KIF26B: variants seen among roughly 807,000 people sequenced by gnomAD.
KIF26B encodes kinesin family member 26B, also known as kinesin-like protein KIF26B.
KIF26B carries 63 observed loss-of-function variants against 151.2 expected under a neutral mutation model. That is an observed-to-expected ratio of 0.42 (90% CI 0.34 to 0.51). The LOEUF is 0.51. KIF26B is among the 20% of genes least tolerant of loss of function. The pLI, the probability that KIF26B is intolerant of heterozygous loss-of-function variation, is 0.07. For synonymous variants in KIF26B, 1,357 were observed against 1,262.1 expected (o/e 1.08, Z -1.59); for missense variants, 2,813 against 2,913.6 (o/e 0.97, Z 0.79).
At chr1:245,314,292 A>G (rs1049208389) in intron 2 of KIF26B, among the ~76,000 whole-genome samples, 11 of 152,094 alleles carry the variant, frequency 7.2e-5, no homozygotes, top group African/African-American at 2.7e-4. Context: ...TACTAAAAAT[A>G]CAAAAAAAAA....
In KIF26B at chr1:245,366,996, G is replaced by T; in HGVS notation, c.628G>T (p.Gly210Cys). 1 of 1,613,768 alleles carries T rather than the reference G, an allele frequency of 6.2e-7. No homozygotes were observed. Among genetic ancestry groups the T allele is most frequent in the Admixed American group, 1.7e-5 (1 of 60,002 alleles). Residue 210 changes from glycine (G) to cysteine (C), a missense_variant, in exon 3 of 15, where the codon GGC becomes TGC. Coordinates refer to ENST00000407071, the MANE Select transcript of KIF26B (RefSeq NM_018012.4). The stretch of plus-strand genomic sequence containing the variant: ...GGTGCTGACGTTGGAGCAGGCAGCC[G>T]GCAGTGAGCACTACGACGCCTCGCC... ...QMVLTLEQAA[G>C]SEHYDASPCS... is the part of the protein sequence containing the mutation.
chr1:245,332,160 C>T (rs1456447537), intron 2 of KIF26B, among the ~76,000 whole-genome samples: 1 of 152,168 alleles, frequency 6.6e-6, no homozygotes, highest in Non-Finnish European at 1.5e-5. Flanking sequence ...ATGAAGTCCT[C>T]ATCAGGAAAT....
At chr1:245,231,583 C>G (rs375213138) in intron 2 of KIF26B, among the ~76,000 whole-genome samples, 7 of 152,190 alleles carry the variant, frequency 4.6e-5, no homozygotes, top group African/African-American at 1.7e-4. Context: ...ACTCTACATA[C>G]TGAAAGTTTC....
At chr1:245,317,292 G>A (rs976132715) in intron 2 of KIF26B, among the ~76,000 whole-genome samples, 2 of 152,130 alleles carry the variant, frequency 1.3e-5, no homozygotes, top group Admixed American at 1.3e-4. Flanking sequence ...AGTGTTCACG[G>A]GCCTAATATC....
intron 2 of KIF26B, 82 bp downstream of exon 2, chr1:245,156,765 G>T: frequency 1.2e-6 from 1 of 868,410 alleles, no homozygotes. Flanking sequence ...TCAGCCCGCC[G>T]CGACCTTGCG....
intron 6 of KIF26B, among the ~76,000 whole-genome samples, chr1:245,605,275 A>G (rs1377057461): frequency 1.3e-5 from 2 of 152,188 alleles, no homozygotes; most frequent in South Asian, 2.1e-4. Context: ...CACTGCCAAT[A>G]TTAGCAGCAT....
chr1:245,265,789 A>T (rs185226022), intron 2 of KIF26B, among the ~76,000 whole-genome samples: 32 of 152,026 alleles, frequency 2.1e-4, no homozygotes, highest in Non-Finnish European at 4.1e-4. Context: ...TGTATTTTAT[A>T]CAGAGATGGG....
chr1:245,594,744 T>A (rs1026307291), intron 5 of KIF26B, among the ~76,000 whole-genome samples: 1 of 152,222 alleles, frequency 6.6e-6, no homozygotes, highest in Non-Finnish European at 1.5e-5. Context: ...ATTGAATCTA[T>A]AAATTATTTT....
chr1:245,210,822 C>T (rs766952556), intron 2 of KIF26B, among the ~76,000 whole-genome samples: 1 of 152,076 alleles, frequency 6.6e-6, no homozygotes, highest in Non-Finnish European at 1.5e-5. Flanking sequence ...CAGGGCTGTT[C>T]GGAGCATCCA....
rs7532242 is a variant in KIF26B, at chr1:245,227,048, C to T, written c.465+70365C>T. ...TTCGAATGACCCACAGGGAATGGTGCACCATTCACTCAGTCCACCCCTAGC... is the reference window on the plus strand; with the variant it reads ...TTCGAATGACCCACAGGGAATGGTGTACCATTCACTCAGTCCACCCCTAGC... On this transcript the variant is annotated intron_variant, in intron 2 of 14. Coordinates refer to ENST00000407071, the MANE Select transcript of KIF26B (RefSeq NM_018012.4). This position sits in a 1 kb window ranked among gnomAD's most constrained non-coding sequence, Gnocchi z 4.1. Among the ~76,000 whole-genome samples, 5,975 of 152,184 alleles carry T rather than the reference C, an allele frequency of 0.039. 397 individuals carry two copies. Among genetic ancestry groups the T allele is most frequent in the African/African-American group, 0.14 (5,623 of 41,472 alleles).
intron 2 of KIF26B, chr1:245,225,977 T>G (rs1409578210): frequency 6.6e-6 from 1 of 152,230 alleles, no homozygotes; most frequent in African/African-American, 2.4e-5. Flanking sequence ...ACTGAGCACA[T>G]CATGTTAGAA....
rs1304152539 is a variant in KIF26B at position 245,367,791 on chromosome 1, C to T, written c.999+424C>T. Among the ~76,000 whole-genome samples the T allele has an allele frequency of 1.2e-4, 18 of 152,224 alleles. No homozygotes were observed. Among genetic ancestry groups the T allele is most frequent in the Admixed American group, 1.2e-3 (18 of 15,280 alleles). On this transcript the variant is annotated intron_variant, in intron 3 of 14. Transcript: ENST00000407071. This position sits in a 1 kb window ranked among gnomAD's most constrained non-coding sequence, Gnocchi z 4.2. Reference sequence around the variant, plus strand: ...CGTGACTTGGCACAAGGGGTTTGCCCTGTCTTAGGCTCAAGTCCCTCATTT... The same window carrying T: ...CGTGACTTGGCACAAGGGGTTTGCCTTGTCTTAGGCTCAAGTCCCTCATTT...
intron 4 of KIF26B, among the ~76,000 whole-genome samples, chr1:245,459,902 T>G (rs1479430504): frequency 6.6e-6 from 1 of 152,026 alleles, no homozygotes; most frequent in Non-Finnish European, 1.5e-5. Flanking sequence ...TAAACCTTTT[T>G]TTTTTTTCCC....
chr1:245,357,522 T>C (rs959102151), intron 2 of KIF26B, among the ~76,000 whole-genome samples: 1 of 152,190 alleles, frequency 6.6e-6, no homozygotes, highest in African/African-American at 2.4e-5. Flanking sequence ...TTTAGTGTGA[T>C]ACATAATTCA....
Position 245,686,305 on chromosome 1 carries a change from A to T in KIF26B, c.3322A>T (p.Ser1108Cys). ...LPSPAPLPPS[S>C]KDSGVASRES... ...GTCTCCCGCCCCACTGCCTCCCTCG[A>T]GCAAGGATTCCGGCGTGGCGTCTAG... The change falls in exon 12 of 15, where the codon AGC (serine) becomes TGC (cysteine). Residue 1108 changes from serine (S) to cysteine (C), a missense_variant. Physicochemically the swap from Ser to Cys is moderately radical, Grantham distance 112. Around this residue, in one of 3 missense-constraint regions of KIF26B, gnomAD observed 2,060 missense variants for 2,088.6 expected, o/e 0.99. Transcript: ENST00000407071. The surrounding 1 kb of genome is among the most constrained non-coding windows in gnomAD (Gnocchi z 5.6). The T allele has an allele frequency of 6.2e-7, 1 of 1,612,956 alleles. No individual in the cohort carries two copies. Among genetic ancestry groups the T allele is most frequent in the Non-Finnish European group, 8.5e-7 (1 of 1,179,850 alleles).
In KIF26B at chr1:245,686,722, C is replaced by A; in HGVS notation, c.3739C>A (p.Pro1247Thr). 6.2e-7 allele frequency: 1 copy of A among 1,613,484 alleles called. No homozygotes were observed. The highest frequency in any genetic ancestry group is 8.5e-7 in the Non-Finnish European group (1 of 1,179,802). The change falls in exon 12 of 15, where the codon CCC (proline) becomes ACC (threonine). Residue 1247 changes from proline to threonine, a missense_variant. By Grantham distance (38) the Pro-to-Thr change is conservative. Around this residue, in one of 3 missense-constraint regions of KIF26B, gnomAD observed 2,060 missense variants for 2,088.6 expected, o/e 0.99. Coordinates refer to ENST00000407071, the MANE Select transcript of KIF26B (RefSeq NM_018012.4). The surrounding 1 kb of genome is among the most constrained non-coding windows in gnomAD (Gnocchi z 5.6). ...EDLECYSSTAPVSEVSITQFL... is the reference protein window; with the variant it reads ...EDLECYSSTATVSEVSITQFL... ...CCTGGAGTGCTACTCCAGCACGGCC[C>A]CCGTCTCCGAGGTCAGCATCACACA...
chr1:245,501,919 G>C (rs1660629532), intron 4 of KIF26B, among the ~76,000 whole-genome samples: 2 of 152,142 alleles, frequency 1.3e-5, no homozygotes, highest in Admixed American at 6.5e-5. Flanking sequence ...ACATTCATGG[G>C]ACGCCAGCTG....
intron 2 of KIF26B, among the ~76,000 whole-genome samples, chr1:245,257,732 G>A (rs1573737185): frequency 1.3e-5 from 2 of 152,128 alleles, no homozygotes; most frequent in South Asian, 4.1e-4. Flanking sequence ...GATCAAGAAA[G>A]TTGGTCAGGC....
At chr1:245,475,406 G>T (rs895636479) in intron 4 of KIF26B, among the ~76,000 whole-genome samples, 3 of 151,808 alleles carry the variant, frequency 2.0e-5, no homozygotes, top group Non-Finnish European at 4.4e-5. Flanking sequence ...AATGGGGACA[G>T]CCTGCGGCAC....
Sources: allele counts gnomAD v4.1 joint callset (sites outside exome capture counted in the v4.1 genomes callset), GRCh38; gene constraint gnomAD v4.1.1; regional missense constraint gnomAD v4.1.1; non-coding constraint Gnocchi (gnomAD v3.1); transcripts MANE v1.5; gene names NCBI Gene and HGNC (gene_info 2026-07-23, HGNC 2026-07-21).